Variants in RCAN2 observed in about 807,000 individuals in gnomAD.
The protein encoded by RCAN2 is regulator of calcineurin 2, also known as calcipressin-2.
RCAN2 carries 9 observed loss-of-function variants against 23.6 expected under a neutral mutation model. The observed-to-expected ratio is 0.38, with a 90% CI of 0.23 to 0.67. The LOEUF (loss-of-function observed/expected upper bound fraction) is 0.67. RCAN2 is among the 30% of genes least tolerant of loss of function. The pLI is 0.51. For missense variants in RCAN2, 273 were observed against 302.3 expected (o/e 0.90, Z 0.72); for synonymous variants, 109 against 115.7 (o/e 0.94, Z 0.37).
intron 2 of RCAN2, among the ~76,000 whole-genome samples, chr6:46,397,220 A>T: frequency 6.6e-6 from 1 of 152,204 alleles, no homozygotes; most frequent in East Asian, 1.9e-4. Flanking sequence ...CAAAATATAG[A>T]GATAGAAATA....
intron 1 of RCAN2, among the ~76,000 whole-genome samples, chr6:46,459,697 C>T (rs909854137): frequency 4.6e-5 from 7 of 152,204 alleles, no homozygotes; most frequent in African/African-American, 1.7e-4. Flanking sequence ...CATTCTGGAA[C>T]TCAGTTTATC....
intron 2 of RCAN2, among the ~76,000 whole-genome samples, chr6:46,392,259 T>C (rs553083294): frequency 6.6e-6 from 1 of 152,246 alleles, no homozygotes; most frequent in Admixed American, 6.5e-5. Context: ...AGTTCTATCA[T>C]AGGGGCAGCA....
At chr6:46,390,373 TG>T (rs1171992087) in intron 2 of RCAN2, among the ~76,000 whole-genome samples, 3 of 152,196 alleles carry the variant, frequency 2.0e-5, no homozygotes, top group Non-Finnish European at 2.9e-5. Flanking sequence ...AGCAGGGTAT[TG>T]TTCTCACTGC....
At chr6:46,276,247 G>A (rs370888156) in intron 2 of RCAN2, among the ~76,000 whole-genome samples, 1 of 113,800 alleles carries the variant, frequency 8.8e-6, no homozygotes, top group Non-Finnish European at 2.0e-5. Context: ...AACTATGCAG[G>A]GTTGGTGTGT....
chr6:46,254,950 A>T (rs922058480), intron 2 of RCAN2, among the ~76,000 whole-genome samples: 1 of 152,202 alleles, frequency 6.6e-6, no homozygotes, highest in Non-Finnish European at 1.5e-5. Flanking sequence ...GAAGCTAGGA[A>T]GAAGCAAAAA....
chr6:46,226,218 G>GT (rs1377522808), intron 4 of RCAN2, among the ~76,000 whole-genome samples: 1 of 152,140 alleles, frequency 6.6e-6, no homozygotes, highest in East Asian at 1.9e-4. Flanking sequence ...GTCAGGTAGC[G>GT]TGATGCCTCC....
At chr6:46,324,970 G>T (rs1763742299) in intron 2 of RCAN2, among the ~76,000 whole-genome samples, 2 of 152,244 alleles carry the variant, frequency 1.3e-5, no homozygotes, top group African/African-American at 4.8e-5. Flanking sequence ...TAAGTGACAT[G>T]CCAGAAAGGG....
In RCAN2 at chr6:46,223,097, C is replaced by G; in HGVS notation, c.*44G>C. On this transcript the variant is annotated 3_prime_UTR_variant, in exon 5 of 5. Coordinates refer to ENST00000371374, the MANE Select transcript of RCAN2 (RefSeq NM_001251974.2). ...TTTGACAAACAACAGGGGGAAAAAG[C>G]ATGATAAAGAGGAGACGGCTATTAT... The G allele has an allele frequency of 6.3e-7, 1 of 1,596,620 alleles. No homozygotes were observed. The highest frequency in any genetic ancestry group is 1.3e-5 in the African/African-American group (1 of 74,078).
chr6:46,226,144 T>C (rs575637720), intron 4 of RCAN2, among the ~76,000 whole-genome samples: 3 of 152,336 alleles, frequency 2.0e-5, no homozygotes, highest in South Asian at 4.1e-4. Context: ...CATTGGTCTA[T>C]ATCTCCATTT....
intron 2 of RCAN2, among the ~76,000 whole-genome samples, chr6:46,427,587 GTAAA>G (rs1361067347): frequency 6.6e-6 from 1 of 152,194 alleles, no homozygotes; most frequent in Non-Finnish European, 1.5e-5. Context: ...TGTGTATTGA[GTAAA>G]TAAATAATGA....
At chr6:46,426,023 T>C (rs1767022421) in intron 2 of RCAN2, among the ~76,000 whole-genome samples, 1 of 151,414 alleles carries the variant, frequency 6.6e-6, no homozygotes, top group Non-Finnish European at 1.5e-5. Context: ...CTCAGCCTAC[T>C]GAGTAGCTAG....
intron 2 of RCAN2, among the ~76,000 whole-genome samples, chr6:46,416,144 T>G (rs929069830): frequency 6.6e-6 from 1 of 152,058 alleles, no homozygotes; most frequent in Non-Finnish European, 1.5e-5. Context: ...GAGGGATAAC[T>G]GTATATGAAT....
chr6:46,416,753 C>T (rs1766726641), intron 2 of RCAN2, among the ~76,000 whole-genome samples: 1 of 150,826 alleles, frequency 6.6e-6, no homozygotes, highest in African/African-American at 2.5e-5. Context: ...AACTCCTGGG[C>T]TCAAGCGATC....
intron 2 of RCAN2, among the ~76,000 whole-genome samples, chr6:46,347,488 G>A (rs529412016): frequency 1.1e-3 from 161 of 152,222 alleles, no homozygotes; most frequent in Non-Finnish European, 1.8e-3. Context: ...TACTCTCAGG[G>A]TTACACCTTA....
intron 2 of RCAN2, among the ~76,000 whole-genome samples, chr6:46,403,040 C>G (rs1766301934): frequency 6.6e-6 from 1 of 151,914 alleles, no homozygotes; most frequent in Admixed American, 6.5e-5. Context: ...TCTTGGCTCA[C>G]TGCAAGCTCT....
At chr6:46,437,247 T>A (rs1767400749) in intron 2 of RCAN2, among the ~76,000 whole-genome samples, 1 of 152,226 alleles carries the variant, frequency 6.6e-6, no homozygotes, top group African/African-American at 2.4e-5. Context: ...TTTAATGCCC[T>A]GCCATCAAGT....
Position 46,484,153 on chromosome 6 carries a change from G to A in RCAN2, c.-3+7020C>T, listed in dbSNP as rs139718773. On this transcript the variant is annotated intron_variant, in intron 1 of 4. Coordinates refer to ENST00000371374, the MANE Select transcript of RCAN2 (RefSeq NM_001251974.2). ...TAGCCTGACTTTCAGACAAATTTAT[G>A]GGGGAAAATAATTCAAATTGGCTGT... Among the ~76,000 whole-genome samples, 980 of 152,256 alleles carry A rather than the reference G, an allele frequency of 6.4e-3. 8 individuals carry two copies. Among genetic ancestry groups the A allele is most frequent in the African/African-American group, 0.022 (934 of 41,548 alleles).
At chr6:46,225,541 G>A (rs1765633538) in intron 4 of RCAN2, among the ~76,000 whole-genome samples, 1 of 152,020 alleles carries the variant, frequency 6.6e-6, no homozygotes, top group Non-Finnish European at 1.5e-5. Context: ...CAGTGATGAT[G>A]AGCACTTTTT....
intron 2 of RCAN2, among the ~76,000 whole-genome samples, chr6:46,315,095 T>C (rs1218375697): frequency 6.6e-6 from 1 of 152,216 alleles, no homozygotes; most frequent in Non-Finnish European, 1.5e-5. Flanking sequence ...CATTACTCTG[T>C]CTGAATGCTT....
Sources: gnomAD v4.1 joint callset for allele counts (sites outside exome capture counted in the v4.1 genomes callset) on GRCh38, gnomAD v4.1.1 for gene constraint, MANE v1.5 for transcripts, NCBI Gene and HGNC (gene_info 2026-07-23, HGNC 2026-07-21) for gene names.